Variants in TLE6 observed in about 807,000 individuals in gnomAD.
The protein encoded by TLE6 is transducin-like enhancer protein 6.
A neutral mutation model predicts 77.1 loss-of-function variants in TLE6; 72 were observed. The ratio of observed to expected loss-of-function variants is 0.93; its 90% CI spans 0.77 to 1.14. The LOEUF is 1.14. Ranked by LOEUF, TLE6 falls within the 50% of genes most tolerant of loss-of-function variation. The pLI is 0.00. For synonymous variants in TLE6, 366 were observed against 287.3 expected, an observed-to-expected ratio of 1.27 and a Z score of -2.77; for missense variants, 843 against 747.6, an observed-to-expected ratio of 1.13 and a Z score of -1.49.
Position 2,987,923 on chromosome 19 carries a change from C to T in TLE6, c.651C>T (p.Ser217=). The part of the protein sequence containing the change: ...ASTPRPPEAS[S]SPPEGSQDRN... ...CCCCCAGGCCACCTGAGGCCTCCTC[C>T]AGTCCCCCTGAGGGTTCCCAAGACA... The change falls in exon 10 of 17, where the codon TCC becomes TCT. Residue 217 remains serine (S), a synonymous_variant. Transcript: ENST00000246112. The T allele has an allele frequency of 6.2e-7, 1 of 1,610,186 alleles. No individual in the cohort carries two copies. Among genetic ancestry groups the T allele is most frequent in the Non-Finnish European group, 8.5e-7 (1 of 1,177,478 alleles).
intron 11 of TLE6, 188 bp from the exon 12 acceptor site, chr19:2,988,873 C>G: frequency 1.2e-6 from 1 of 803,932 alleles, no homozygotes; most frequent in Non-Finnish European, 1.9e-6. Context: ...ATGTGGAGGG[C>G]TGTGGCAAAG....
intron 13 of TLE6, 131 bp downstream of exon 13, chr19:2,989,916 C>T (rs1254453744): frequency 1.6e-6 from 2 of 1,279,222 alleles, no homozygotes; most frequent in Non-Finnish European, 2.2e-6. Context: ...ACTCTCCCAG[C>T]CAAAACCCCT....
In TLE6 at chr19:2,987,360, G is replaced by T; in HGVS notation, c.546G>T (p.Gln182His). The change falls in exon 8 of 17, where the codon CAG becomes CAT. Residue 182 changes from glutamine (Q) to histidine (H), a missense_variant. Physicochemically the swap from Gln to His is conservative, Grantham distance 24. Coordinates refer to ENST00000246112, the MANE Select transcript of TLE6 (RefSeq NM_001143986.2). ...DEKAKPRDRQ[Q>H]APGLGQESKA... ...TCTCCGTTGTCATGGTGACAGAGCA[G>T]GCACCAGGCCTGGTGAGTAAACAAC... The T allele has an allele frequency of 6.2e-7, 1 of 1,614,050 alleles. No homozygotes were observed. Among genetic ancestry groups the T allele is most frequent in the South Asian group, 1.1e-5 (1 of 91,074 alleles).
intron 5 of TLE6, chr19:2,984,241 C>A (rs2088859090): frequency 1.3e-5 from 2 of 152,042 alleles, no homozygotes; most frequent in African/African-American, 4.8e-5. Context: ...ATTAACGAGG[C>A]GGGGTGAATT....
At chr19:2,989,471 G>T in intron 12 of TLE6, 64 bp from the exon 13 acceptor site, 1 of 1,578,186 alleles carries the variant, frequency 6.3e-7, no homozygotes. Flanking sequence ...GCTCTCATGA[G>T]GCAAAGCAGT....
chr19:2,991,395 T>TATATATATAC (rs1555686268), intron 13 of TLE6, among the ~76,000 whole-genome samples: 135 of 114,106 alleles, frequency 1.2e-3, no homozygotes, highest in South Asian at 6.9e-3. Flanking sequence ...TATATATATA[T>TATATATATAC]ACACACACAC....
chr19:2,989,608 T>C lies in TLE6; in HGVS notation c.1067T>C (p.Leu356Pro). The change falls in exon 13 of 17, where the codon CTG (leucine) becomes CCG (proline). Residue 356 changes from leucine to proline, a missense_variant. By Grantham distance (98) the Leu-to-Pro change is moderately conservative. Coordinates refer to ENST00000246112, the MANE Select transcript of TLE6 (RefSeq NM_001143986.2). ...SRSLLTGGYN[L>P]ASVSVWDLAA... is the part of the protein sequence containing the mutation. ...AGCCTGCTCACCGGTGGCTACAACC[T>C]GGCCAGCGTGAGCGTGTGGGACCTG... is the stretch of plus-strand genomic sequence containing the variant. 1 of 1,614,058 alleles carries C rather than the reference T, an allele frequency of 6.2e-7. No homozygotes were observed. Among genetic ancestry groups the C allele is most frequent in the Non-Finnish European group, 8.5e-7 (1 of 1,179,992 alleles).
intron 13 of TLE6, 87 bp downstream of exon 13, chr19:2,989,872 G>A (rs576630092): frequency 1.6e-5 from 24 of 1,543,568 alleles, no homozygotes; most frequent in Middle Eastern, 2.0e-4. Flanking sequence ...ACCTCTGCCC[G>A]CCTTCCTGCC....
intron 1 of TLE6, among the ~76,000 whole-genome samples, chr19:2,977,915 T>G (rs2088710871): frequency 6.6e-6 from 1 of 152,082 alleles, no homozygotes; most frequent in Non-Finnish European, 1.5e-5. Flanking sequence ...CGTCCCTGAC[T>G]GCCCCCAGCA....
At chr19:2,993,366 C>T in intron 14 of TLE6, 66 bp from the exon 15 acceptor site, 4 of 1,524,250 alleles carry the variant, frequency 2.6e-6, no homozygotes, top group Non-Finnish European at 3.5e-6. Context: ...CCCCAGGCTC[C>T]TGCCTGCTTC....
intron 2 of TLE6, among the ~76,000 whole-genome samples, chr19:2,978,953 TTA>T (rs1341122187): frequency 2.6e-5 from 4 of 152,080 alleles, no homozygotes; most frequent in South Asian, 2.1e-4. Context: ...TTTTGAGACT[TTA>T]TGATTTTATT....
chr19:2,987,478 C>T lies in TLE6; in HGVS notation c.558+106C>T, dbSNP rs556400981. 2.6e-6 allele frequency: 4 copies of T among 1,520,842 alleles called. No individual in the cohort carries two copies. In the South Asian group the frequency reaches 4.5e-5, roughly 17 times the overall value. The allele number at this position is 1,520,842 out of a possible 1,614,324, so 94.2% of individuals were successfully genotyped here. A position where few individuals can be genotyped will look rare whatever the true frequency, so the allele number is the denominator to read the frequency against. ...GTTCCTGTGGGATTTGTCTTCCTTCCATCCTGCCCCTCGGGTCCCCCGGGG... is the reference window on the plus strand; with the variant it reads ...GTTCCTGTGGGATTTGTCTTCCTTCTATCCTGCCCCTCGGGTCCCCCGGGG... On this transcript the variant is annotated intron_variant, in intron 8 of 16. Coordinates refer to ENST00000246112, the MANE Select transcript of TLE6 (RefSeq NM_001143986.2).
chr19:2,993,323 G>A (rs987154622), intron 14 of TLE6, 109 bp from the exon 15 acceptor site: 113 of 1,192,168 alleles, frequency 9.5e-5, no homozygotes, highest in Admixed American at 3.4e-4. Context: ...GCACAGCTAG[G>A]AAGGGGTCAG....
At chr19:2,987,283 C>A in intron 7 of TLE6, 45 bp downstream of exon 7, 1 of 1,614,118 alleles carries the variant, frequency 6.2e-7, no homozygotes, top group Non-Finnish European at 8.5e-7. Context: ...CCACAGGCTG[C>A]GTCTCAGGGG....
At position 2,995,107 on chromosome 19, in the gene TLE6, T is replaced by A; in HGVS notation, c.*103T>A. ...GTGGAGGGAAGCGGGAAGGCTCTTCTGTGGCATCGCACGATCTAGTCTGTG... is the reference window on the plus strand; with the variant it reads ...GTGGAGGGAAGCGGGAAGGCTCTTCAGTGGCATCGCACGATCTAGTCTGTG... On this transcript the variant is annotated 3_prime_UTR_variant, in exon 17 of 17. Coordinates refer to ENST00000246112, the MANE Select transcript of TLE6 (RefSeq NM_001143986.2). 1 of 729,948 alleles carries A rather than the reference T, an allele frequency of 1.4e-6. No individual in the cohort carries two copies. The highest frequency in any genetic ancestry group is 2.3e-6 in the Non-Finnish European group (1 of 435,684). 45.2% of individuals were successfully genotyped at this position (729,948 alleles called of 1,614,324 possible).
chr19:2,978,796 A>G (rs2088732495), intron 2 of TLE6, among the ~76,000 whole-genome samples: 1 of 152,180 alleles, frequency 6.6e-6, no homozygotes, highest in South Asian at 2.1e-4. Flanking sequence ...ATAAAAACAC[A>G]GGAACACATC....
chr19:2,991,395 T>TATATATACAC (rs1555686268), intron 13 of TLE6, among the ~76,000 whole-genome samples: 53 of 114,114 alleles, frequency 4.6e-4, no homozygotes, highest in East Asian at 2.1e-3. Context: ...TATATATATA[T>TATATATACAC]ACACACACAC....
At chr19:2,990,895 G>A (rs538795469) in intron 13 of TLE6, among the ~76,000 whole-genome samples, 14 of 151,654 alleles carry the variant, frequency 9.2e-5, no homozygotes, top group South Asian at 6.2e-4. Context: ...CAGCTACCCC[G>A]GAGGCTGAGG....
chr19:2,993,937 AAAAAAG>A (rs1339956870), intron 15 of TLE6, 76 bp from the exon 16 acceptor site: 2 of 945,540 alleles, frequency 2.1e-6, no homozygotes, highest in Non-Finnish European at 3.2e-6. Flanking sequence ...AAAAAAAAAA[AAAAAAG>A]GTGGGTGGGG....
Sources: allele counts gnomAD v4.1 joint callset (sites outside exome capture counted in the v4.1 genomes callset), GRCh38; gene constraint gnomAD v4.1.1; transcripts MANE v1.5; gene names NCBI Gene and HGNC (gene_info 2026-07-23, HGNC 2026-07-21).